MEGF10: variants seen among roughly 807,000 people sequenced by gnomAD.
MEGF10 encodes multiple epidermal growth factor-like domains protein 10.
Under a neutral mutation model 147.5 loss-of-function variants are expected in MEGF10, and 86 were observed. That is an observed-to-expected ratio of 0.58 (90% confidence interval 0.49 to 0.70). The LOEUF (loss-of-function observed/expected upper bound fraction) is 0.70, where lower values mean the gene tolerates loss of function less well. Among genes scored for constraint, MEGF10 ranks in the 30% least tolerant of loss-of-function variants. MEGF10 has a pLI of 0.00. For missense variants in MEGF10, 1,329 were observed against 1,487.3 expected, an observed-to-expected ratio of 0.89 and a Z score of 1.75; for synonymous variants, 478 against 525.5, an observed-to-expected ratio of 0.91 and a Z score of 1.24.
At chr5:127,445,816 T>C (rs952595282) in intron 20 of MEGF10, 123 bp downstream of exon 20, 13 of 746,044 alleles carry the variant, frequency 1.7e-5, no homozygotes, top group Non-Finnish European at 2.8e-5. Flanking sequence ...GAGAGAATTC[T>C]ATGTTTGGAA....
At chr5:127,309,994 T>TTTCTTTCCTTCCTTCC (rs781685715) in intron 1 of MEGF10, among the ~76,000 whole-genome samples, 7 of 56,814 alleles carry the variant, frequency 1.2e-4, no homozygotes, top group African/African-American at 4.1e-4. Context: ...TCTTTCTTTC[T>TTTCTTTCCTTCCTTCC]TTCCTTCCTT....
At chr5:127,264,682 G>A in the MEGF10 span, among the ~76,000 whole-genome samples, 1 of 152,052 alleles carries the variant, frequency 6.6e-6, no homozygotes, top group Non-Finnish European at 1.5e-5. Context: ...AAAATTTCAG[G>A]ATTGAATCTC....
At chr5:127,278,710 G>T in the MEGF10 span, among the ~76,000 whole-genome samples, 2 of 152,218 alleles carry the variant, frequency 1.3e-5, no homozygotes, top group African/African-American at 4.8e-5. Context: ...GAAGGTGGAT[G>T]ACCAGCTGTA....
chr5:127,359,003 T>C (rs912656272), intron 4 of MEGF10, among the ~76,000 whole-genome samples: 2 of 152,122 alleles, frequency 1.3e-5, no homozygotes, highest in African/African-American at 4.8e-5. Flanking sequence ...CAGATGGTAT[T>C]TCAATCCCTT....
At chr5:127,285,169 C>T in the MEGF10 span, among the ~76,000 whole-genome samples, 1 of 152,054 alleles carries the variant, frequency 6.6e-6, no homozygotes, top group Admixed American at 6.6e-5. Flanking sequence ...TTCTACATGT[C>T]TAATAATTAT....
At chr5:127,327,716 T>TTTC (rs753772809) in intron 1 of MEGF10, among the ~76,000 whole-genome samples, 2 of 9,544 alleles carry the variant, frequency 2.1e-4, no homozygotes, top group Admixed American at 1.1e-3. Flanking sequence ...TTTCTTTTCT[T>TTTC]TTTTTTTTTT....
intron 10 of MEGF10, among the ~76,000 whole-genome samples, chr5:127,418,486 A>T (rs1764861326): frequency 6.6e-6 from 1 of 152,242 alleles, no homozygotes; most frequent in Admixed American, 6.5e-5. Context: ...CACAGAGCTG[A>T]GAGGATCTTT....
intron 1 of MEGF10, among the ~76,000 whole-genome samples, chr5:127,323,319 A>G (rs1413653472): frequency 1.3e-5 from 2 of 152,208 alleles, no homozygotes; most frequent in African/African-American, 4.8e-5. Context: ...TCTTCTAGAA[A>G]GTCACATGCT....
At chr5:127,398,017 A>G (rs1231026045) in intron 6 of MEGF10, among the ~76,000 whole-genome samples, 2 of 149,126 alleles carry the variant, frequency 1.3e-5, no homozygotes, top group African/African-American at 4.9e-5. Flanking sequence ...TTGAACAATG[A>G]GAACACATGG....
At chr5:127,423,908 T>C (rs1344118353) in intron 13 of MEGF10, among the ~76,000 whole-genome samples, 1 of 152,220 alleles carries the variant, frequency 6.6e-6, no homozygotes, top group East Asian at 1.9e-4. Context: ...TTTTATTTCA[T>C]TGCTTGTGCT....
intron 17 of MEGF10, among the ~76,000 whole-genome samples, chr5:127,440,123 G>T (rs964709188): frequency 7.9e-5 from 12 of 152,190 alleles, no homozygotes; most frequent in African/African-American, 2.9e-4. Context: ...GGTGTCTTTA[G>T]CTCAAGAGAC....
intron 24 of MEGF10, among the ~76,000 whole-genome samples, chr5:127,456,861 C>T (rs989885479): frequency 3.9e-5 from 6 of 152,278 alleles, no homozygotes; most frequent in Non-Finnish European, 8.8e-5. Flanking sequence ...TGATTTATTT[C>T]CAGGATTCTG....
At chr5:127,442,952 C>A (rs1332368217) in intron 18 of MEGF10, 46 bp from the exon 19 acceptor site, 1 of 1,582,634 alleles carries the variant, frequency 6.3e-7, no homozygotes, top group Non-Finnish European at 8.6e-7. Context: ...CAGCCTTGCT[C>A]CAAATTCCCA....
chr5:127,339,478 G>A (rs1761596949), intron 3 of MEGF10, among the ~76,000 whole-genome samples: 1 of 152,116 alleles, frequency 6.6e-6, no homozygotes, highest in Non-Finnish European at 1.5e-5. Context: ...AATTCATCTA[G>A]CCTCTGTGTT....
intron 8 of MEGF10, among the ~76,000 whole-genome samples, chr5:127,405,411 T>C (rs1271396759): frequency 1.3e-5 from 2 of 152,194 alleles, no homozygotes; most frequent in Non-Finnish European, 2.9e-5. Flanking sequence ...TTTCTGCCTG[T>C]AATTGGATAT....
At position 127,417,622 on chromosome 5, in the gene MEGF10, C is replaced by G; in HGVS notation, c.1131-16C>G. 5 of 1,613,988 alleles carry G rather than the reference C, an allele frequency of 3.1e-6. No homozygotes were observed. The highest frequency in any genetic ancestry group is 4.2e-6 in the Non-Finnish European group (5 of 1,179,902). On this transcript the variant is annotated splice_polypyrimidine_tract_variant and intron_variant, in intron 9 of 24. Coordinates refer to ENST00000503335, the MANE Select transcript of MEGF10 (RefSeq NM_001256545.2). ...TTACCCCAAAGTGACTTATTCCTTT[C>G]ATCCATGTCTCTCAGCTGTCACCCC...
the MEGF10 span, among the ~76,000 whole-genome samples, chr5:127,242,246 G>A: frequency 6.6e-6 from 1 of 152,140 alleles, no homozygotes; most frequent in African/African-American, 2.4e-5. Context: ...TCGTTGCTCT[G>A]TAAAAGCTTG....
intron 8 of MEGF10, among the ~76,000 whole-genome samples, chr5:127,407,900 A>G (rs1023886921): frequency 2.0e-5 from 3 of 152,262 alleles, no homozygotes; most frequent in African/African-American, 7.2e-5. Context: ...ATAGAAGTAG[A>G]CATAACTATT....
chr5:127,370,940 C>T (rs989481379), intron 5 of MEGF10, among the ~76,000 whole-genome samples: 5 of 152,164 alleles, frequency 3.3e-5, no homozygotes, highest in Non-Finnish European at 7.4e-5. Flanking sequence ...CATTTCTCTT[C>T]GTTGCCACCA....
Sources: allele counts gnomAD v4.1 joint callset (sites outside exome capture counted in the v4.1 genomes callset), GRCh38; gene constraint gnomAD v4.1.1; transcripts MANE v1.5; gene names NCBI Gene and HGNC (gene_info 2026-07-23, HGNC 2026-07-21).